CREB5: variants seen among roughly 807,000 people sequenced by gnomAD.
The protein encoded by CREB5 is cAMP responsive element binding protein 5.
A neutral mutation model predicts 57.1 loss-of-function variants in CREB5; 19 were observed. That is an observed-to-expected ratio of 0.33 (90% CI 0.23 to 0.49). CREB5 has a LOEUF of 0.49. Among genes scored for constraint, CREB5 ranks in the 20% least tolerant of loss-of-function variants. CREB5 has a pLI of 0.99. For synonymous variants in CREB5, 238 were observed against 238.3 expected, an observed-to-expected ratio of 1.00 and a Z score of 0.01; for missense variants, 579 against 671.6, an observed-to-expected ratio of 0.86 and a Z score of 1.52.
intron 5 of CREB5, among the ~76,000 whole-genome samples, chr7:28,660,335 A>G (rs1225310803): frequency 1.3e-5 from 2 of 151,344 alleles, no homozygotes; most frequent in Non-Finnish European, 2.9e-5. Flanking sequence ...ATTATTTTGA[A>G]CCTAGCTTTC....
At chr7:28,304,228 T>A (rs762891946) in intron 1 of CREB5, among the ~76,000 whole-genome samples, 2 of 152,228 alleles carry the variant, frequency 1.3e-5, no homozygotes, top group Non-Finnish European at 2.9e-5. Flanking sequence ...TATCATGGTT[T>A]AACCATCCAC....
chr7:28,412,824 G>C lies in CREB5; in HGVS notation c.-91G>C. On this transcript the variant is annotated 5_prime_UTR_variant, in exon 1 of 11. Transcript: ENST00000357727. ...GACTTATTTTCTTCCTAATCTTGCT[G>C]GTGAAACAGAAGTTACTAGAAAGAA... is the stretch of plus-strand genomic sequence containing the variant. The C allele has an allele frequency of 8.3e-7, 1 of 1,205,334 alleles. No homozygotes were observed. Among genetic ancestry groups the C allele is most frequent in the Non-Finnish European group, 1.1e-6 (1 of 882,282 alleles). 74.7% of individuals were successfully genotyped at this position (1,205,334 alleles called of 1,614,324 possible). A position where few individuals can be genotyped will look rare whatever the true frequency, so the allele number is the denominator to read the frequency against.
intron 5 of CREB5, among the ~76,000 whole-genome samples, chr7:28,696,906 TACAC>T (rs1342317704): frequency 1.3e-5 from 2 of 151,802 alleles, no homozygotes; most frequent in Admixed American, 1.3e-4. Context: ...TCACATTACA[TACAC>T]ACATATATGT....
intron 1 of CREB5, among the ~76,000 whole-genome samples, chr7:28,474,409 T>A (rs933681994): frequency 1.2e-4 from 18 of 152,178 alleles, no homozygotes; most frequent in African/African-American, 4.1e-4. Flanking sequence ...TTGTAGGCAG[T>A]GAAGTTAAGG....
In CREB5 at chr7:28,371,241, T is replaced by C. The variant is rs556284017; in HGVS notation, c.-25+71800T>C. 1.8e-4 allele frequency among the ~76,000 whole-genome samples: 27 copies of C among 151,502 alleles called. No homozygotes were observed. In the East Asian group the frequency reaches 4.3e-3, roughly 24 times the overall value. On this transcript the variant is annotated intron_variant, in intron 1 of 9. Transcript: ENST00000396299. ...ATCCCAGCACTTTGGGAGGCCGAGG[T>C]GGGAGGATCACAAGGTCAAGAGATG...
At chr7:28,697,475 C>A (rs1401052966) in intron 5 of CREB5, among the ~76,000 whole-genome samples, 1 of 152,186 alleles carries the variant, frequency 6.6e-6, no homozygotes, top group Non-Finnish European at 1.5e-5. Flanking sequence ...AGATCCCTGA[C>A]TGGTCCATAT....
intron 7 of CREB5, among the ~76,000 whole-genome samples, chr7:28,796,817 A>T (rs1808069166): frequency 6.6e-6 from 1 of 152,144 alleles, no homozygotes; most frequent in Non-Finnish European, 1.5e-5. Context: ...ACATGGCGCT[A>T]AGTGGTTTAC....
At chr7:28,583,184 C>T (rs891108871) in intron 5 of CREB5, among the ~76,000 whole-genome samples, 2 of 152,198 alleles carry the variant, frequency 1.3e-5, no homozygotes, top group Non-Finnish European at 2.9e-5. Flanking sequence ...AAGGGCTCTT[C>T]AGCAAGAGCA....
At chr7:28,499,614 G>T (rs1336595418) in intron 3 of CREB5, among the ~76,000 whole-genome samples, 1 of 152,032 alleles carries the variant, frequency 6.6e-6, no homozygotes. Flanking sequence ...ATGGAGTTTC[G>T]CTCTCGTTGC....
intron 1 of CREB5, among the ~76,000 whole-genome samples, chr7:28,479,176 C>T (rs1015528816): frequency 5.9e-5 from 9 of 152,060 alleles, no homozygotes; most frequent in African/African-American, 1.7e-4. Flanking sequence ...GTGGCATGGG[C>T]GAGGCAGTTG....
intron 5 of CREB5, among the ~76,000 whole-genome samples, chr7:28,589,510 C>T (rs563365347): frequency 5.9e-5 from 9 of 152,210 alleles, no homozygotes; most frequent in East Asian, 1.9e-4. Context: ...GCCAAGATCA[C>T]GCCACTGCAC....
At chr7:28,743,777 T>A (rs920018017) in intron 7 of CREB5, among the ~76,000 whole-genome samples, 1 of 151,096 alleles carries the variant, frequency 6.6e-6, no homozygotes, top group Non-Finnish European at 1.5e-5. Context: ...GATGGCCAAC[T>A]TCCCCCTGTG....
At position 28,367,478 on chromosome 7, in the gene CREB5, A is replaced by T. The variant is rs531259792; in HGVS notation, c.-25+68037A>T. 2.6e-5 allele frequency among the ~76,000 whole-genome samples: 4 copies of T among 152,288 alleles called. No individual in the cohort carries two copies. The South Asian group carries it at 8.3e-4, about 32-fold the overall frequency. ...GAGTTATTCTTGATTTCTCTTTTTCATCACTTCCTACAGCAAGCTCCATCA... is the reference window on the plus strand; with the variant it reads ...GAGTTATTCTTGATTTCTCTTTTTCTTCACTTCCTACAGCAAGCTCCATCA... On this transcript the variant is annotated intron_variant, in intron 1 of 9. Transcript: ENST00000396299.
chr7:28,630,261 T>C (rs1798153592), intron 5 of CREB5, among the ~76,000 whole-genome samples: 1 of 152,226 alleles, frequency 6.6e-6, no homozygotes, highest in African/African-American at 2.4e-5. Context: ...ATTTCCTCTT[T>C]TCAGACCCAA....
At chr7:28,587,125 G>A (rs1268400194) in intron 5 of CREB5, among the ~76,000 whole-genome samples, 1 of 152,138 alleles carries the variant, frequency 6.6e-6, no homozygotes, top group Non-Finnish European at 1.5e-5. Context: ...ATCTATACTT[G>A]GCTTCATTCC....
At chr7:28,564,429 C>T (rs1390876222) in intron 4 of CREB5, among the ~76,000 whole-genome samples, 1 of 152,208 alleles carries the variant, frequency 6.6e-6, no homozygotes, top group Non-Finnish European at 1.5e-5. Flanking sequence ...TTTTTAAAAA[C>T]ACGGATGTAT....
chr7:28,436,794 C>G (rs897816860), intron 1 of CREB5, among the ~76,000 whole-genome samples: 3 of 152,016 alleles, frequency 2.0e-5, no homozygotes, highest in Admixed American at 6.6e-5. Context: ...TAAAGGGGAC[C>G]AGCCCCACAT....
At chr7:28,722,980 A>G (rs766300894) in intron 6 of CREB5, among the ~76,000 whole-genome samples, 2 of 152,230 alleles carry the variant, frequency 1.3e-5, no homozygotes, top group Non-Finnish European at 2.9e-5. Context: ...TTTAAGGGTC[A>G]TTTAGTTCAA....
chr7:28,463,627 T>C (rs1394935405), intron 1 of CREB5, among the ~76,000 whole-genome samples: 1 of 152,202 alleles, frequency 6.6e-6, no homozygotes, highest in East Asian at 1.9e-4. Flanking sequence ...GTACCAGTCA[T>C]GTGCTTTTTT....
Sources: allele counts gnomAD v4.1 joint callset (sites outside exome capture counted in the v4.1 genomes callset), GRCh38; gene constraint gnomAD v4.1.1; transcripts MANE v1.5; gene names NCBI Gene and HGNC (gene_info 2026-07-23, HGNC 2026-07-21).